LPIN2: variants seen among roughly 807,000 people sequenced by gnomAD.
The protein encoded by LPIN2 is phosphatidate phosphatase LPIN2.
LPIN2 carries 55 observed loss-of-function variants against 111.4 expected under a neutral mutation model. That is an observed-to-expected ratio of 0.49 (90% CI 0.40 to 0.62). The LOEUF (loss-of-function observed/expected upper bound fraction) is 0.62. Ranked by LOEUF, LPIN2 falls within the 20% of genes least tolerant of loss-of-function variation. LPIN2 has a pLI of 0.00. For synonymous variants in LPIN2, 425 were observed against 414.0 expected (o/e 1.03, Z -0.32); for missense variants, 992 against 1,112.1 (o/e 0.89, Z 1.54).
chr18:2,989,092 C>G (rs1287255025), intron 1 of LPIN2, among the ~76,000 whole-genome samples: 1 of 152,162 alleles, frequency 6.6e-6, no homozygotes. Context: ...TATCTCTGAT[C>G]TACACAATTC....
Position 2,927,897 on chromosome 18 carries a change from T to C in LPIN2, c.1621-86A>G, listed in dbSNP as rs868306417. The C allele has an allele frequency of 1.3e-4, 144 of 1,088,278 alleles. 1 individual carries two copies. The Middle Eastern group carries it at 1.8e-3, about 14-fold the overall frequency. The allele number at this position is 1,088,278 out of a possible 1,614,324, so 67.4% of individuals were successfully genotyped here. The stretch of plus-strand genomic sequence containing the variant: ...TATGCTAGCCTGAAGGACGGGGCCT[T>C]ACTATGGAATGTGAGAACGTGACCG... On this transcript the variant is annotated intron_variant, in intron 11 of 19. Transcript: ENST00000677752.
At chr18:2,991,449 G>A (rs968084731) in intron 1 of LPIN2, among the ~76,000 whole-genome samples, 3 of 152,142 alleles carry the variant, frequency 2.0e-5, no homozygotes, top group Non-Finnish European at 2.9e-5. Flanking sequence ...TACCAGGCTC[G>A]GCACAGTGGC....
chr18:2,940,175 A>C (rs553505339), intron 5 of LPIN2, among the ~76,000 whole-genome samples: 35 of 152,280 alleles, frequency 2.3e-4, no homozygotes, highest in South Asian at 1.7e-3. Context: ...AAAAATTTAA[A>C]ACTTAGCTGA....
intron 1 of LPIN2, among the ~76,000 whole-genome samples, chr18:2,998,644 A>G (rs1386468009): frequency 6.6e-6 from 1 of 151,938 alleles, no homozygotes; most frequent in Non-Finnish European, 1.5e-5. Flanking sequence ...TTAAGGAAAG[A>G]AAAGCGTTGT....
At chr18:2,926,204 A>G (rs1434065453) in intron 13 of LPIN2, among the ~76,000 whole-genome samples, 2 of 152,194 alleles carry the variant, frequency 1.3e-5, no homozygotes, top group Admixed American at 6.5e-5. Flanking sequence ...AAGAAAATAA[A>G]CCCTCAGCCT....
intron 4 of LPIN2, chr18:2,950,335 C>T (rs1315420827): frequency 1.3e-5 from 2 of 152,268 alleles, no homozygotes; most frequent in East Asian, 1.9e-4. Context: ...GGGGTGAAAA[C>T]ACACAAGTGG....
intron 1 of LPIN2, among the ~76,000 whole-genome samples, chr18:2,993,415 C>T (rs898705098): frequency 2.0e-5 from 3 of 152,186 alleles, no homozygotes; most frequent in Admixed American, 6.5e-5. Flanking sequence ...CACTGAATAT[C>T]ATTAACCCTC....
chr18:2,921,204 C>T, intron 18 of LPIN2: 3 of 546,996 alleles, frequency 5.5e-6, no homozygotes, highest in Non-Finnish European at 6.5e-6. Flanking sequence ...TAGCGAAGGG[C>T]CAGCACTGAC....
intron 2 of LPIN2, among the ~76,000 whole-genome samples, chr18:2,956,848 T>G (rs2143162027): frequency 6.6e-6 from 1 of 152,350 alleles, no homozygotes; most frequent in African/African-American, 2.4e-5. Flanking sequence ...TGGAGTTTGG[T>G]CTTTCCAAAA....
chr18:2,927,660 T>C, intron 12 of LPIN2, 62 bp downstream of exon 12: 1 of 1,575,980 alleles, frequency 6.3e-7, no homozygotes, highest in African/African-American at 1.3e-5. Context: ...AAAAGGTTTT[T>C]TGAATAAATG....
chr18:3,002,652 A>G (rs2078451251), intron 1 of LPIN2, among the ~76,000 whole-genome samples: 2 of 152,244 alleles, frequency 1.3e-5, no homozygotes, highest in African/African-American at 4.8e-5. Context: ...CACTATGAGA[A>G]TAAAGAAATT....
intron 14 of LPIN2, among the ~76,000 whole-genome samples, 191 bp from the exon 15 acceptor site, chr18:2,924,737 T>TG (rs1281100537): frequency 6.6e-6 from 1 of 152,172 alleles, no homozygotes; most frequent in African/African-American, 2.4e-5. Flanking sequence ...AACAGTATTT[T>TG]GGGGTTCCAG....
intron 1 of LPIN2, among the ~76,000 whole-genome samples, chr18:2,997,663 G>T (rs665715): frequency 1.3e-5 from 2 of 152,124 alleles, no homozygotes; most frequent in African/African-American, 2.4e-5. Context: ...TCCTGTGGGG[G>T]GAGAGCAGGC....
intron 15 of LPIN2, 55 bp from the exon 16 acceptor site, chr18:2,923,916 T>C (rs1434050395): frequency 2.6e-5 from 37 of 1,440,724 alleles, no homozygotes; most frequent in Non-Finnish European, 3.3e-5. Flanking sequence ...CATACAGCGT[T>C]TTCCTATTTG....
rs148742294 is a variant in LPIN2, at chr18:2,967,216, A to G, written c.-9-6367T>C. Among the ~76,000 whole-genome samples the G allele has an allele frequency of 2.6e-3, 393 of 152,258 alleles. 1 individual carries two copies. The highest frequency in any genetic ancestry group is 4.5e-3 in the Non-Finnish European group (307 of 68,028). ...CTAGAACCCAGTTCTACCTATACTC[A>G]GGGTCCCAACTTTCTCCACTACCTC... On this transcript the variant is annotated intron_variant, in intron 1 of 19. Transcript: ENST00000677752.
intron 1 of LPIN2, among the ~76,000 whole-genome samples, chr18:3,001,457 A>C (rs1377192002): frequency 6.6e-6 from 1 of 152,238 alleles, no homozygotes; most frequent in Admixed American, 6.5e-5. Flanking sequence ...CTCAGCTGTA[A>C]GCAATATTTA....
rs1322988508 is a variant in LPIN2 at position 2,920,876 on chromosome 18, G to A, written c.2448C>T (p.Val816=). The part of the protein sequence containing the change: ...YAAFGNRPND[V]YAYTQVGVPD... Reference sequence around the variant, plus strand: ...GAACTCCAACTTGTGTGTAGGCATAGACATCCTGCAGAAGAAAATAGCAAG... The same window carrying A: ...GAACTCCAACTTGTGTGTAGGCATAAACATCCTGCAGAAGAAAATAGCAAG... The change falls in exon 19 of 20, where the codon GTC becomes GTT. Residue 816 remains valine (V), a synonymous_variant. Transcript: ENST00000677752. 4 of 1,609,550 alleles carry A rather than the reference G, an allele frequency of 2.5e-6. No individual in the cohort carries two copies. Among genetic ancestry groups the A allele is most frequent in the Non-Finnish European group, 3.4e-6 (4 of 1,175,914 alleles).
intron 1 of LPIN2, among the ~76,000 whole-genome samples, chr18:2,983,610 C>CT (rs1220427341): frequency 2.0e-5 from 3 of 152,180 alleles, no homozygotes; most frequent in Non-Finnish European, 4.4e-5. Flanking sequence ...CGTGTGGCTA[C>CT]TGAGCAATGG....
intron 1 of LPIN2, among the ~76,000 whole-genome samples, chr18:3,009,384 C>T (rs1322710184): frequency 1.3e-5 from 2 of 151,034 alleles, no homozygotes; most frequent in African/African-American, 4.9e-5. Flanking sequence ...GGGTTACAAA[C>T]AAAAAAACAC....
Sources: gnomAD v4.1 joint callset for allele counts (sites outside exome capture counted in the v4.1 genomes callset) on GRCh38, gnomAD v4.1.1 for gene constraint, MANE v1.5 for transcripts, NCBI Gene and HGNC (gene_info 2026-07-23, HGNC 2026-07-21) for gene names.